VPS13A: variants seen among roughly 807,000 people sequenced by gnomAD.
VPS13A encodes intermembrane lipid transfer protein VPS13A.
VPS13A carries 264 observed loss-of-function variants against 390.9 expected under a neutral mutation model. The ratio of observed to expected loss-of-function variants is 0.68; its 90% confidence interval spans 0.61 to 0.75. The LOEUF is 0.75. VPS13A is among the 30% of genes least tolerant of loss of function. The pLI, the probability that VPS13A is intolerant of heterozygous loss-of-function variation, is 0.00. For synonymous variants in VPS13A, 1,231 were observed against 1,227.1 expected (o/e 1.00, Z -0.07); for missense variants, 3,409 against 3,733.9 (o/e 0.91, Z 2.27).
chr9:77,323,202 A>G lies in VPS13A; in HGVS notation c.5966A>G (p.Lys1989Arg), dbSNP rs769004742. The G allele has an allele frequency of 6.2e-7, 1 of 1,613,436 alleles. No individual in the cohort carries two copies. Among genetic ancestry groups the G allele is most frequent in the Non-Finnish European group, 8.5e-7 (1 of 1,179,504 alleles). The change falls in exon 45 of 72, where the codon AAG becomes AGG. Residue 1989 changes from lysine to arginine, a missense_variant. By Grantham distance (26) the Lys-to-Arg change is conservative. Coordinates refer to ENST00000360280, the MANE Select transcript of VPS13A (RefSeq NM_033305.3). ...CQIDTVEGSKKVTIRSPVQIR... is the reference protein window; with the variant it reads ...CQIDTVEGSKRVTIRSPVQIR... ...ATTGATACAGTAGAAGGAAGTAAGA[A>G]GGTCACAATTCGCTCCCCAGTGCAG...
At chr9:77,369,224 G>T in intron 62 of VPS13A, 75 bp from the exon 63 acceptor site, 2 of 1,135,860 alleles carry the variant, frequency 1.8e-6, no homozygotes, top group African/African-American at 1.5e-5. Flanking sequence ...AAAACTGGGC[G>T]TGTGTTTTAA....
intron 20 of VPS13A, among the ~76,000 whole-genome samples, chr9:77,248,938 G>A (rs899081892): frequency 6.6e-6 from 1 of 152,118 alleles, no homozygotes; most frequent in Non-Finnish European, 1.5e-5. Flanking sequence ...CACCATGCTG[G>A]TCAGGCTGGT....
At chr9:77,312,377 GATGCTATGTAA>G (rs950099181) in intron 35 of VPS13A, among the ~76,000 whole-genome samples, 7 of 151,508 alleles carry the variant, frequency 4.6e-5, no homozygotes, top group African/African-American at 1.7e-4. Flanking sequence ...CTTGAGAGAG[GATGCTATGTAA>G]ATGGGCAGTG....
intron 2 of VPS13A, among the ~76,000 whole-genome samples, chr9:77,200,712 G>A (rs1389043640): frequency 2.0e-5 from 3 of 152,060 alleles, no homozygotes; most frequent in Non-Finnish European, 2.9e-5. Flanking sequence ...ATCTGATAAA[G>A]ACTAGTTCAT....
intron 45 of VPS13A, among the ~76,000 whole-genome samples, chr9:77,327,608 A>C (rs1162086740): frequency 6.6e-6 from 1 of 151,736 alleles, no homozygotes; most frequent in Non-Finnish European, 1.5e-5. Context: ...TCCAAAGATA[A>C]ATATGAGTAT....
chr9:77,235,273 G>C (rs576266579), intron 17 of VPS13A, among the ~76,000 whole-genome samples: 1 of 152,220 alleles, frequency 6.6e-6, no homozygotes, highest in South Asian at 2.1e-4. Context: ...ATCTGGAAAT[G>C]TGTTCATTTT....
At chr9:77,179,706 GATTT>G (rs1823891364) in intron 1 of VPS13A, among the ~76,000 whole-genome samples, 1 of 141,118 alleles carries the variant, frequency 7.1e-6, no homozygotes, top group Non-Finnish European at 1.5e-5. Flanking sequence ...TTTTTTTTGA[GATTT>G]ATTTCATATA....
Position 77,361,250 on chromosome 9 carries a change from A to G in VPS13A, c.8211+609A>G, listed in dbSNP as rs1043669396. Among the ~76,000 whole-genome samples the G allele has an allele frequency of 3.9e-5, 6 of 152,240 alleles. No homozygotes were observed. In the South Asian group the frequency reaches 1.2e-3, roughly 32 times the overall value. ...TTCCGGAACATTTTCATCATCCCCA[A>G]AAGGAACTGCCTGTGCAGCCACTGA... is the stretch of plus-strand genomic sequence containing the variant. On this transcript the variant is annotated intron_variant, in intron 59 of 71. Transcript: ENST00000360280.
intron 47 of VPS13A, chr9:77,338,485 G>A (rs905727462): frequency 2.0e-5 from 3 of 152,004 alleles, no homozygotes; most frequent in African/African-American, 7.3e-5. Context: ...CTTTTGCTGT[G>A]GTCTGTAAAA....
chr9:77,300,037 A>G (rs1446177646), intron 33 of VPS13A, among the ~76,000 whole-genome samples: 1 of 152,196 alleles, frequency 6.6e-6, no homozygotes, highest in African/African-American at 2.4e-5. Flanking sequence ...CCACATGTGT[A>G]ACAATGTAAC....
chr9:77,298,157 G>A (rs1828123526), intron 33 of VPS13A, among the ~76,000 whole-genome samples: 1 of 152,208 alleles, frequency 6.6e-6, no homozygotes, highest in Non-Finnish European at 1.5e-5. Flanking sequence ...AATGGGCAAA[G>A]TAGCCTGAAA....
intron 7 of VPS13A, 37 bp downstream of exon 7, chr9:77,210,712 T>C (rs1212228145): frequency 1.9e-6 from 3 of 1,592,542 alleles, no homozygotes; most frequent in Admixed American, 3.3e-5. Flanking sequence ...CCATATTTAA[T>C]GTGCAATATA....
At chr9:77,359,717 C>A (rs1463994548) in intron 58 of VPS13A, among the ~76,000 whole-genome samples, 2 of 150,880 alleles carry the variant, frequency 1.3e-5, no homozygotes, top group African/African-American at 4.9e-5. Context: ...ACTCAGGAGG[C>A]TGAGGCACGA....
intron 10 of VPS13A, among the ~76,000 whole-genome samples, chr9:77,215,011 C>T (rs771423154): frequency 8.5e-5 from 13 of 152,086 alleles, no homozygotes; most frequent in Non-Finnish European, 1.6e-4. Context: ...GGCAATCTGC[C>T]CGCCTCGGCC....
chr9:77,291,194 A>G (rs573082437), intron 31 of VPS13A, among the ~76,000 whole-genome samples: 3 of 152,156 alleles, frequency 2.0e-5, no homozygotes, highest in Non-Finnish European at 2.9e-5. Flanking sequence ...GGTGAACCCT[A>G]TTGTGAACTG....
At chr9:77,351,004 G>C (rs1489541214) in intron 52 of VPS13A, 1 of 320,238 alleles carries the variant, frequency 3.1e-6, no homozygotes, top group Non-Finnish European at 6.0e-6. Context: ...CTTAGAATTG[G>C]TATAAATAGG....
At position 77,214,819 on chromosome 9, in the gene VPS13A, A is replaced by G. The variant is rs548000916; in HGVS notation, c.754+433A>G. On this transcript the variant is annotated intron_variant, in intron 10 of 71. Coordinates refer to ENST00000360280, the MANE Select transcript of VPS13A (RefSeq NM_033305.3). ...TCCTAATTTTCCAAAATGAGCATCC[A>G]TTACTTTTACAATCGGAAATGAATT... Among the ~76,000 whole-genome samples, 5 of 152,324 alleles carry G rather than the reference A, an allele frequency of 3.3e-5. No individual in the cohort carries two copies. The East Asian group carries it at 9.7e-4, about 29-fold the overall frequency.
chr9:77,227,585 T>A, intron 16 of VPS13A, 100 bp downstream of exon 16: 4 of 890,076 alleles, frequency 4.5e-6, no homozygotes, highest in Non-Finnish European at 3.5e-6. Context: ...TGCAGTGGTG[T>A]GATCTCTGCT....
At chr9:77,289,109 G>GT (rs1827503464) in intron 31 of VPS13A, among the ~76,000 whole-genome samples, 1 of 151,986 alleles carries the variant, frequency 6.6e-6, no homozygotes, top group Non-Finnish European at 1.5e-5. Flanking sequence ...GTGGGTTTCT[G>GT]TTTTTTGATG....
Sources: gnomAD v4.1 joint callset for allele counts (sites outside exome capture counted in the v4.1 genomes callset) on GRCh38, gnomAD v4.1.1 for gene constraint, MANE v1.5 for transcripts, NCBI Gene and HGNC (gene_info 2026-07-23, HGNC 2026-07-21) for gene names.